NAA50: variants seen among roughly 807,000 people sequenced by gnomAD.
NAA50 encodes N-alpha-acetyltransferase 50.
Under a neutral mutation model 20.7 loss-of-function variants are expected in NAA50, and 7 were observed. That is an observed-to-expected ratio of 0.34 (90% confidence interval 0.19 to 0.63). The LOEUF is 0.63. Ranked by LOEUF, NAA50 falls within the 30% of genes least tolerant of loss-of-function variation. The pLI, the probability that NAA50 is intolerant of heterozygous loss-of-function variation, is 0.75. For missense variants in NAA50, 111 were observed against 199.1 expected (o/e 0.56, Z 2.66); for synonymous variants, 54 against 70.6 (o/e 0.77, Z 1.18).
intron 1 of NAA50, among the ~76,000 whole-genome samples, chr3:113,737,559 T>C (rs1708360353): frequency 6.6e-6 from 1 of 152,238 alleles, no homozygotes; most frequent in Admixed American, 6.5e-5. Flanking sequence ...ACATTTATTC[T>C]TGTATCTTAC....
rs911102809 is a variant in NAA50, at chr3:113,721,661, A to G, written c.*99T>C. 6.9e-5 allele frequency: 88 copies of G among 1,270,842 alleles called. No homozygotes were observed. Among genetic ancestry groups the G allele is most frequent in the Non-Finnish European group, 9.0e-6 (8 of 893,284 alleles). 78.7% of individuals were successfully genotyped at this position (1,270,842 alleles called of 1,614,324 possible). Reference sequence around the variant, plus strand: ...AAGAAAAACAAGAACAAGGAGGGAGAAAAGCTTTAAAAGAAAAGTGTTGGG... The same window carrying G: ...AAGAAAAACAAGAACAAGGAGGGAGGAAAGCTTTAAAAGAAAAGTGTTGGG... On this transcript the variant is annotated 3_prime_UTR_variant, in exon 5 of 5. Transcript: ENST00000240922.
rs776675149 is a variant in NAA50, at chr3:113,721,566, CAATTCA to C, written c.*188_*193del. ...ACCACCTCACAAAAATAAGAGAAAA[CAATTCA>C]AACATGATTATTTTTTTAAAGTCCT... On this transcript the variant is annotated 3_prime_UTR_variant, in exon 5 of 5. Transcript: ENST00000240922. 111 of 631,144 alleles carry C rather than the reference CAATTCA, an allele frequency of 1.8e-4. No individual in the cohort carries two copies. The highest frequency in any genetic ancestry group is 2.7e-4 in the Non-Finnish European group (100 of 371,648). 39.1% of individuals were successfully genotyped at this position (631,144 alleles called of 1,614,324 possible).
chr3:113,741,124 T>G (rs757554683), intron 1 of NAA50: 1 of 549,064 alleles, frequency 1.8e-6, no homozygotes, highest in Admixed American at 2.3e-5. Flanking sequence ...TATACTTGAA[T>G]GAAGGATAAT....
At chr3:113,728,702 A>C (rs759596669) in intron 1 of NAA50, among the ~76,000 whole-genome samples, 8 of 152,202 alleles carry the variant, frequency 5.3e-5, no homozygotes, top group Admixed American at 5.2e-4. Context: ...ATCTCATTCA[A>C]TCTTGTAGTT....
At chr3:113,737,083 A>T (rs1285183242) in intron 1 of NAA50, among the ~76,000 whole-genome samples, 1 of 152,118 alleles carries the variant, frequency 6.6e-6, no homozygotes, top group Non-Finnish European at 1.5e-5. Flanking sequence ...AATCAAGCCT[A>T]TGTCTCTTAA....
intron 1 of NAA50, among the ~76,000 whole-genome samples, chr3:113,736,241 A>G (rs1009413262): frequency 1.3e-5 from 2 of 152,302 alleles, no homozygotes; most frequent in East Asian, 1.9e-4. Flanking sequence ...TTTCAGATTC[A>G]TAACAATCAA....
rs1708128455 is a variant in NAA50, at chr3:113,721,050, G to GT, written c.*709dup. 6.6e-6 allele frequency: 1 copy of GT among 152,486 alleles called. No individual in the cohort carries two copies. The highest frequency in any genetic ancestry group is 1.5e-5 in the Non-Finnish European group (1 of 68,000). The allele number at this position is 152,486 out of a possible 1,614,324, so 9.4% of individuals were successfully genotyped here. On this transcript the variant is annotated 3_prime_UTR_variant, in exon 5 of 5. Transcript: ENST00000240922. ...CAAATTCTAAAAGTTAATGCCACTA[G>GT]TAACAATCAACAGCAGGAAAAACAA...
Position 113,719,370 on chromosome 3 carries a change from A to T in NAA50, c.*2390T>A, listed in dbSNP as rs1050474577. On this transcript the variant is annotated 3_prime_UTR_variant, in exon 5 of 5. Coordinates refer to ENST00000240922, the MANE Select transcript of NAA50 (RefSeq NM_025146.4). ...GTAAAAACTATCTGTCCTGAAAAATATGATGGATATATCCTGTGATTTTCC... is the reference window on the plus strand; with the variant it reads ...GTAAAAACTATCTGTCCTGAAAAATTTGATGGATATATCCTGTGATTTTCC... 3.4e-5 allele frequency: 5 copies of T among 146,902 alleles called. No individual in the cohort carries two copies. The highest frequency in any genetic ancestry group is 7.4e-5 in the Non-Finnish European group (5 of 68,006). The allele number at this position is 146,902 out of a possible 1,614,324, so 9.1% of individuals were successfully genotyped here.
chr3:113,743,119 T>C (rs972024129), intron 1 of NAA50, among the ~76,000 whole-genome samples: 3 of 152,178 alleles, frequency 2.0e-5, no homozygotes, highest in African/African-American at 7.2e-5. Flanking sequence ...AAATTTATCT[T>C]CTATGGAGGA....
chr3:113,722,944 G>C lies in NAA50; in HGVS notation c.294C>G (p.Asn98Lys), dbSNP rs776723542. ...CAAAAGTACCATCTTTTTCACAGATGTTTAAGACATGATTTAACATTTTAG... is the reference window on the plus strand; with the variant it reads ...CAAAAGTACCATCTTTTTCACAGATCTTTAAGACATGATTTAACATTTTAG... ...IGTKMLNHVL[N>K]ICEKDGTFDN... The change falls in exon 4 of 5, where the codon AAC becomes AAG. Residue 98 changes from asparagine to lysine, a missense_variant. Asn to Lys is a moderately conservative substitution (Grantham distance 94). Transcript: ENST00000240922. The C allele has an allele frequency of 1.3e-6, 2 of 1,542,008 alleles. No homozygotes were observed. The highest frequency in any genetic ancestry group is 3.8e-5 in the Admixed American group (2 of 52,892).
intron 3 of NAA50, 56 bp from the exon 4 acceptor site, chr3:113,723,028 G>A (rs1182888177): frequency 6.8e-7 from 1 of 1,464,368 alleles, no homozygotes. Context: ...TTTAAATTAT[G>A]TATCTATCCA....
intron 1 of NAA50, among the ~76,000 whole-genome samples, chr3:113,744,170 G>A (rs1180202326): frequency 1.3e-5 from 2 of 152,090 alleles, no homozygotes; most frequent in South Asian, 2.1e-4. Flanking sequence ...TGTTCAAGAA[G>A]TGCAGTATAT....
chr3:113,736,890 T>C (rs542784361), intron 1 of NAA50, among the ~76,000 whole-genome samples: 18 of 152,332 alleles, frequency 1.2e-4, no homozygotes, highest in African/African-American at 4.1e-4. Context: ...GCTTAAAGCC[T>C]GTTTATACTT....
intron 1 of NAA50, among the ~76,000 whole-genome samples, chr3:113,734,264 A>G (rs949484334): frequency 1.3e-5 from 2 of 152,224 alleles, no homozygotes; most frequent in African/African-American, 2.4e-5. Flanking sequence ...ACATATGAAC[A>G]TAAAGATGGG....
At chr3:113,723,010 A>C (rs1482356200) in intron 3 of NAA50, 38 bp from the exon 4 acceptor site, 2 of 1,487,218 alleles carry the variant, frequency 1.3e-6, no homozygotes, top group Non-Finnish European at 1.8e-6. Flanking sequence ...TGACTTCATA[A>C]ATCAACCTTT....
chr3:113,721,653 G>A lies in NAA50; in HGVS notation c.*107C>T, dbSNP rs530383482. 1 of 1,136,722 alleles carries A rather than the reference G, an allele frequency of 8.8e-7. No individual in the cohort carries two copies. Among genetic ancestry groups the A allele is most frequent in the Non-Finnish European group, 1.3e-6 (1 of 776,100 alleles). The allele number at this position is 1,136,722 out of a possible 1,614,324, so 70.4% of individuals were successfully genotyped here. On this transcript the variant is annotated 3_prime_UTR_variant, in exon 5 of 5. Coordinates refer to ENST00000240922, the MANE Select transcript of NAA50 (RefSeq NM_025146.4). ...AAGGAAGAAAGAAAAACAAGAACAA[G>A]GAGGGAGAAAAGCTTTAAAAGAAAA...
Position 113,746,136 on chromosome 3 carries a change from G to A in NAA50, c.-187C>T. On this transcript the variant is annotated 5_prime_UTR_variant, in exon 1 of 5. Coordinates refer to ENST00000240922, the MANE Select transcript of NAA50 (RefSeq NM_025146.4). ...GAGGGCTTGAGTCTGGTGGGGGCGGGAGTGTCTCCCGCCGCCGCGCTTGTG... is the reference window on the plus strand; with the variant it reads ...GAGGGCTTGAGTCTGGTGGGGGCGGAAGTGTCTCCCGCCGCCGCGCTTGTG... 2 of 651,962 alleles carry A rather than the reference G, an allele frequency of 3.1e-6. No individual in the cohort carries two copies. Among genetic ancestry groups the A allele is most frequent in the Non-Finnish European group, 5.0e-6 (2 of 403,700 alleles). The allele number at this position is 651,962 out of a possible 1,614,324, so 40.4% of individuals were successfully genotyped here. A position where few individuals can be genotyped will look rare whatever the true frequency, so the allele number is the denominator to read the frequency against.
At chr3:113,743,437 G>C (rs1205137146) in intron 1 of NAA50, among the ~76,000 whole-genome samples, 2 of 152,076 alleles carry the variant, frequency 1.3e-5, no homozygotes, top group Admixed American at 6.5e-5. Flanking sequence ...TTAAGAGTCA[G>C]GACTTTAAAA....
intron 1 of NAA50, among the ~76,000 whole-genome samples, chr3:113,733,913 T>G (rs1322126010): frequency 6.7e-6 from 1 of 149,760 alleles, no homozygotes; most frequent in Non-Finnish European, 1.5e-5. Flanking sequence ...TTAAAGTATT[T>G]AGAGATTTGG....
Sources: gnomAD v4.1 joint callset for allele counts (sites outside exome capture counted in the v4.1 genomes callset) on GRCh38, gnomAD v4.1.1 for gene constraint, MANE v1.5 for transcripts, NCBI Gene and HGNC (gene_info 2026-07-23, HGNC 2026-07-21) for gene names.